POFUT3: variants seen among roughly 807,000 people sequenced by gnomAD.
POFUT3 encodes the protein GDP-fucose protein O-fucosyltransferase 3.
At chr8:33,369,719 A>T in the POFUT3 span, among the ~76,000 whole-genome samples, 2 of 152,164 alleles carry the variant, frequency 1.3e-5, no homozygotes, top group African/African-American at 4.8e-5. Context: ...TATGTGTAAT[A>T]TACAATGTGT....
the POFUT3 span, among the ~76,000 whole-genome samples, chr8:33,327,479 T>C: frequency 1.3e-5 from 2 of 152,256 alleles, no homozygotes; most frequent in African/African-American, 4.8e-5. Context: ...AATGACTGTC[T>C]GATATATTAT....
chr8:33,436,310 C>T, the POFUT3 span: 3 of 1,341,854 alleles, frequency 2.2e-6, no homozygotes, highest in Admixed American at 1.7e-5. Context: ...TATCAAGGCC[C>T]TTGATGGTCT....
At chr8:33,461,243 A>T in the POFUT3 span, 1 of 874,110 alleles carries the variant, frequency 1.1e-6, no homozygotes, top group Admixed American at 2.9e-5. Flanking sequence ...GGAAGGAAGG[A>T]ACCAACCCTG....
At chr8:33,386,832 C>T in the POFUT3 span, among the ~76,000 whole-genome samples, 1 of 152,084 alleles carries the variant, frequency 6.6e-6, no homozygotes, top group Non-Finnish European at 1.5e-5. Context: ...TATTTACCAA[C>T]GCCAGCATAC....
the POFUT3 span, among the ~76,000 whole-genome samples, chr8:33,471,223 TTTTG>T: frequency 7.3e-5 from 11 of 150,484 alleles, no homozygotes; most frequent in Middle Eastern, 3.2e-3. Flanking sequence ...AGGTTGGTTT[TTTTG>T]TTTTTGTTTT....
chr8:33,466,740 C>T, the POFUT3 span, among the ~76,000 whole-genome samples: 25 of 152,070 alleles, frequency 1.6e-4, no homozygotes, highest in Admixed American at 1.2e-3. Context: ...GGACAGCAGG[C>T]TCCAATTCAA....
At chr8:33,410,892 G>A in the POFUT3 span, among the ~76,000 whole-genome samples, 1 of 152,112 alleles carries the variant, frequency 6.6e-6, no homozygotes, top group African/African-American at 2.4e-5. Context: ...CCAACACAGT[G>A]CCGTCTGCCC....
chr8:33,455,926 T>C, the POFUT3 span: 1 of 425,230 alleles, frequency 2.4e-6, no homozygotes, highest in Non-Finnish European at 4.6e-6. Flanking sequence ...AACCACTGAG[T>C]GAAAGCCAAG....
At chr8:33,450,742 A>G in the POFUT3 span, among the ~76,000 whole-genome samples, 58 of 152,292 alleles carry the variant, frequency 3.8e-4, 1 homozygote, top group East Asian at 0.011. Context: ...GAGGTATAGA[A>G]GGTCAAACCA....
At chr8:33,316,214 T>C in the POFUT3 span, among the ~76,000 whole-genome samples, 4 of 152,096 alleles carry the variant, frequency 2.6e-5, no homozygotes, top group African/African-American at 9.7e-5. Context: ...AAAAATTGAC[T>C]TCCTGCTTCT....
chr8:33,446,941 G>A, the POFUT3 span, among the ~76,000 whole-genome samples: 1 of 152,108 alleles, frequency 6.6e-6, no homozygotes, highest in Non-Finnish European at 1.5e-5. Flanking sequence ...TTAATTACAC[G>A]TGATCACATG....
At chr8:33,319,144 A>T in the POFUT3 span, among the ~76,000 whole-genome samples, 1 of 78,152 alleles carries the variant, frequency 1.3e-5, no homozygotes, top group Non-Finnish European at 2.1e-5. Flanking sequence ...TATTTATATA[A>T]TATATAAATA....
At chr8:33,416,840 A>G in the POFUT3 span, among the ~76,000 whole-genome samples, 1 of 145,002 alleles carries the variant, frequency 6.9e-6, no homozygotes, top group Non-Finnish European at 1.5e-5. Context: ...CAAAAAAAAA[A>G]AAAAAAAAAA....
At chr8:33,331,933 C>A in the POFUT3 span, among the ~76,000 whole-genome samples, 2 of 112,066 alleles carry the variant, frequency 1.8e-5, no homozygotes, top group African/African-American at 6.9e-5. Flanking sequence ...CGCCTCGCCT[C>A]CCAAAGTGCT....
At chr8:33,326,582 T>C in the POFUT3 span, among the ~76,000 whole-genome samples, 1 of 152,202 alleles carries the variant, frequency 6.6e-6, no homozygotes, top group Non-Finnish European at 1.5e-5. Context: ...GCTCGGGGTA[T>C]TTCTGAGAAC....
At chr8:33,422,444 C>A in the POFUT3 span, among the ~76,000 whole-genome samples, 1 of 143,222 alleles carries the variant, frequency 7.0e-6, no homozygotes, top group South Asian at 2.3e-4. Context: ...ACTTGGGAGG[C>A]TGAGGCAAGA....
chr8:33,412,138 G>C, the POFUT3 span, among the ~76,000 whole-genome samples: 2 of 152,122 alleles, frequency 1.3e-5, no homozygotes, highest in Non-Finnish European at 2.9e-5. Flanking sequence ...ATCTTCTTTA[G>C]TCTAAAGAAC....
At chr8:33,395,467 G>C in the POFUT3 span, among the ~76,000 whole-genome samples, 1 of 151,766 alleles carries the variant, frequency 6.6e-6, no homozygotes, top group African/African-American at 2.4e-5. Flanking sequence ...GAGGAGTTTG[G>C]CCATCCCCGG....
chr8:33,389,458 C>T, the POFUT3 span: 2 of 1,614,182 alleles, frequency 1.2e-6, no homozygotes, highest in East Asian at 2.2e-5. Context: ...AGGAATCGAC[C>T]TCGATGTAAG....
Sources: allele counts gnomAD v4.1 joint callset (sites outside exome capture counted in the v4.1 genomes callset), GRCh38; gene constraint gnomAD v4.1.1; transcripts MANE v1.5; gene names NCBI Gene and HGNC (gene_info 2026-07-23, HGNC 2026-07-21).